Variants in PDE9A observed in about 807,000 individuals in gnomAD.
PDE9A encodes phosphodiesterase 9A.
Under a neutral mutation model 87.4 loss-of-function variants are expected in PDE9A, and 60 were observed. That is an observed-to-expected ratio of 0.69 (90% CI 0.56 to 0.85). The LOEUF (loss-of-function observed/expected upper bound fraction) is 0.85. Among genes scored for constraint, PDE9A ranks in the 40% least tolerant of loss-of-function variants. The pLI, the probability that PDE9A is intolerant of heterozygous loss-of-function variation, is 0.00. For synonymous variants in PDE9A, 272 were observed against 279.4 expected (o/e 0.97, Z 0.27); for missense variants, 665 against 779.0 (o/e 0.85, Z 1.74).
intron 7 of PDE9A, 80 bp from the exon 8 acceptor site, chr21:42,743,696 G>T: frequency 1.2e-6 from 1 of 856,506 alleles, no homozygotes; most frequent in Non-Finnish European, 1.9e-6. Flanking sequence ...GAGCCACAGG[G>T]AGCCCTTAGT....
chr21:42,731,123 A>G (rs8131716), intron 4 of PDE9A, among the ~76,000 whole-genome samples: 5,790 of 151,998 alleles, frequency 0.038, 382 homozygotes, highest in African/African-American at 0.13. Context: ...ATGCCTGGCT[A>G]ATTTTGTATT....
At chr21:42,698,055 A>G (rs963912947) in intron 3 of PDE9A, among the ~76,000 whole-genome samples, 8 of 152,234 alleles carry the variant, frequency 5.3e-5, no homozygotes, top group African/African-American at 1.9e-4. Flanking sequence ...AGTCAAAGAC[A>G]TGAACACATG....
At chr21:42,679,485 T>A (rs1348321489) in intron 1 of PDE9A, among the ~76,000 whole-genome samples, 1 of 152,058 alleles carries the variant, frequency 6.6e-6, no homozygotes, top group Non-Finnish European at 1.5e-5. Flanking sequence ...GAGCTGGAGC[T>A]CCTCCTTCTG....
intron 7 of PDE9A, among the ~76,000 whole-genome samples, chr21:42,743,249 T>C (rs1270436719): frequency 6.6e-6 from 1 of 152,266 alleles, no homozygotes; most frequent in Non-Finnish European, 1.5e-5. Context: ...ATTTCTCTTC[T>C]GTTTTAAGTC....
In PDE9A at chr21:42,760,851, G is replaced by A. The variant is rs759329662; in HGVS notation, c.1029G>A (p.Leu343=). 5 of 1,611,396 alleles carry A rather than the reference G, an allele frequency of 3.1e-6. No homozygotes were observed. In the South Asian group the frequency reaches 5.5e-5, roughly 18 times the overall value. The change falls in exon 13 of 20, where the codon CTG becomes CTA. Residue 343 remains leucine, a synonymous_variant. Transcript: ENST00000291539. This position sits in a 1 kb window ranked among gnomAD's most constrained non-coding sequence, Gnocchi z 5.2. ...AGAAGTTCTCACAAACGGATATCCT[G>A]ATCCTAATGACAGCGGCCATCTGCC... ...LQEKFSQTDI[L]ILMTAAICHD...
At chr21:42,709,379 G>C (rs1465213265) in intron 4 of PDE9A, among the ~76,000 whole-genome samples, 2 of 152,138 alleles carry the variant, frequency 1.3e-5, no homozygotes, top group East Asian at 3.8e-4. Context: ...TGGGTTGACA[G>C]GTGCAGCAAA....
chr21:42,775,178 G>A, intron 19 of PDE9A, 102 bp from the exon 20 acceptor site: 1 of 1,090,330 alleles, frequency 9.2e-7, no homozygotes, highest in Non-Finnish European at 1.4e-6. Flanking sequence ...CTGACCTCGT[G>A]ATCCACCCAC....
chr21:42,703,234 T>C (rs1602149297), intron 4 of PDE9A, among the ~76,000 whole-genome samples: 1 of 152,072 alleles, frequency 6.6e-6, no homozygotes, highest in Admixed American at 6.6e-5. Flanking sequence ...ATCAGGTGCA[T>C]GAGGAGCAGG....
intron 1 of PDE9A, among the ~76,000 whole-genome samples, chr21:42,666,978 C>T (rs914600154): frequency 4.6e-5 from 7 of 152,208 alleles, no homozygotes; most frequent in Non-Finnish European, 1.0e-4. Context: ...TGGTGACCGC[C>T]GACTCGCCCT....
chr21:42,677,797 C>G (rs533844611), intron 1 of PDE9A, among the ~76,000 whole-genome samples: 1 of 152,322 alleles, frequency 6.6e-6, no homozygotes, highest in South Asian at 2.1e-4. Flanking sequence ...CACATGCCCC[C>G]ACGCCCAGCT....
At chr21:42,742,152 A>C (rs2053347486) in intron 7 of PDE9A, among the ~76,000 whole-genome samples, 1 of 152,118 alleles carries the variant, frequency 6.6e-6, no homozygotes, top group Non-Finnish European at 1.5e-5. Flanking sequence ...TTGGTTGAAA[A>C]ATAGTATCCT....
At chr21:42,728,829 G>T (rs147679625) in intron 4 of PDE9A, among the ~76,000 whole-genome samples, 1 of 151,894 alleles carries the variant, frequency 6.6e-6, no homozygotes, top group South Asian at 2.1e-4. Flanking sequence ...CTAAAACCCC[G>T]GCTCTACTAA....
intron 18 of PDE9A, among the ~76,000 whole-genome samples, chr21:42,771,495 C>T (rs1048222717): frequency 2.2e-4 from 34 of 152,232 alleles, no homozygotes; most frequent in African/African-American, 6.5e-4. Flanking sequence ...TCTTACTACT[C>T]CTGCAGGGTT....
At chr21:42,710,164 T>C (rs890169046) in intron 4 of PDE9A, among the ~76,000 whole-genome samples, 3 of 151,872 alleles carry the variant, frequency 2.0e-5, no homozygotes, top group African/African-American at 7.3e-5. Flanking sequence ...TCCCAGCACT[T>C]TGGGAGGCCG....
intron 4 of PDE9A, among the ~76,000 whole-genome samples, chr21:42,712,649 T>A (rs2049457110): frequency 6.6e-6 from 1 of 152,332 alleles, no homozygotes; most frequent in East Asian, 1.9e-4. Flanking sequence ...AGCCACAGAT[T>A]TTTTTGTGGA....
chr21:42,763,751 G>A (rs1278131319), intron 14 of PDE9A, among the ~76,000 whole-genome samples: 1 of 152,208 alleles, frequency 6.6e-6, no homozygotes, highest in Non-Finnish European at 1.5e-5. Context: ...AGACTGCCTG[G>A]ACTTCAGCAC....
rs1247759948 is a variant in PDE9A, at chr21:42,694,423, C to A, written c.219-4545C>A. On this transcript the variant is annotated intron_variant, in intron 3 of 19. Coordinates refer to ENST00000291539, the MANE Select transcript of PDE9A (RefSeq NM_002606.3). The surrounding 1 kb of genome is among the most constrained non-coding windows in gnomAD (Gnocchi z 5.3). ...GCACCTAGCTTGCTTGGATTCTTCCCAGATTCACAGCCATAGGGTGGGCGT... is the reference window on the plus strand; with the variant it reads ...GCACCTAGCTTGCTTGGATTCTTCCAAGATTCACAGCCATAGGGTGGGCGT... Among the ~76,000 whole-genome samples, 1 of 152,128 alleles carries A rather than the reference C, an allele frequency of 6.6e-6. No individual in the cohort carries two copies.
intron 1 of PDE9A, among the ~76,000 whole-genome samples, chr21:42,684,706 G>A (rs916443203): frequency 1.3e-5 from 2 of 152,222 alleles, no homozygotes; most frequent in African/African-American, 4.8e-5. Flanking sequence ...TACTGCACCC[G>A]TGCGAGCAGG....
intron 18 of PDE9A, among the ~76,000 whole-genome samples, chr21:42,772,168 C>T (rs1174746509): frequency 6.6e-6 from 1 of 152,258 alleles, no homozygotes; most frequent in Non-Finnish European, 1.5e-5. Context: ...GCCGCAGGCT[C>T]TGCACACACC....
Sources: gnomAD v4.1 joint callset for allele counts (sites outside exome capture counted in the v4.1 genomes callset) on GRCh38, gnomAD v4.1.1 for gene constraint, Gnocchi (gnomAD v3.1) non-coding constraint, MANE v1.5 for transcripts, NCBI Gene and HGNC (gene_info 2026-07-23, HGNC 2026-07-21) for gene names.